The following EXT2 variants were observed in gnomAD, a reference collection of about 807,000 sequenced individuals.
The protein encoded by EXT2 is exostosin-2.
A neutral mutation model predicts 81.6 loss-of-function variants in EXT2; 53 were observed. The ratio of observed to expected loss-of-function variants is 0.65; its 90% CI spans 0.52 to 0.82. The LOEUF (loss-of-function observed/expected upper bound fraction) is 0.82, where lower values mean the gene tolerates loss of function less well. Ranked by LOEUF, EXT2 falls within the 40% of genes least tolerant of loss-of-function variation. The pLI is 0.00. For missense variants in EXT2, 774 were observed against 910.2 expected (o/e 0.85, Z 1.93); for synonymous variants, 320 against 340.0 (o/e 0.94, Z 0.65).
chr11:44,161,944 T>C (rs1296857041), intron 7 of EXT2, among the ~76,000 whole-genome samples: 2 of 152,178 alleles, frequency 1.3e-5, no homozygotes, highest in Non-Finnish European at 2.9e-5. Context: ...ACTATGTCAA[T>C]GTCATGAAAG....
At chr11:44,213,136 A>T (rs1955673103) in intron 10 of EXT2, among the ~76,000 whole-genome samples, 2 of 152,226 alleles carry the variant, frequency 1.3e-5, no homozygotes, top group Non-Finnish European at 2.9e-5. Flanking sequence ...ATATTATAAA[A>T]AGAAGAAAAG....
intron 12 of EXT2, among the ~76,000 whole-genome samples, chr11:44,234,539 G>A (rs549728615): frequency 6.6e-6 from 1 of 151,654 alleles, no homozygotes; most frequent in Admixed American, 6.6e-5. Flanking sequence ...TCTCAAAGCT[G>A]ATATGGGTTC....
intron 13 of EXT2, among the ~76,000 whole-genome samples, chr11:44,237,848 G>A (rs1955984715): frequency 6.9e-6 from 1 of 145,430 alleles, no homozygotes; most frequent in South Asian, 2.2e-4. Flanking sequence ...TGGATCACCT[G>A]AGGTCAGGAG....
intron 5 of EXT2, among the ~76,000 whole-genome samples, chr11:44,125,963 G>T (rs750877494): frequency 5.3e-5 from 8 of 152,180 alleles, no homozygotes; most frequent in African/African-American, 9.7e-5. Flanking sequence ...ATCCCCAGAG[G>T]TGTTTGGAAT....
chr11:44,112,104 C>T (rs1240626875), intron 3 of EXT2, among the ~76,000 whole-genome samples: 1 of 152,118 alleles, frequency 6.6e-6, no homozygotes, highest in Non-Finnish European at 1.5e-5. Context: ...AGGCCTGATT[C>T]CATGCATGGT....
At chr11:44,189,006 TA>T (rs1200978081) in intron 8 of EXT2, among the ~76,000 whole-genome samples, 1 of 152,102 alleles carries the variant, frequency 6.6e-6, no homozygotes, top group Non-Finnish European at 1.5e-5. Context: ...GAGACTGCAG[TA>T]AACCAAAGAA....
At chr11:44,168,145 T>C (rs1411557763) in intron 7 of EXT2, among the ~76,000 whole-genome samples, 1 of 152,108 alleles carries the variant, frequency 6.6e-6, no homozygotes, top group African/African-American at 2.4e-5. Flanking sequence ...GAAATCTACT[T>C]TTGACAAGAT....
intron 1 of EXT2, chr11:44,096,186 G>A: frequency 7.1e-7 from 1 of 1,404,008 alleles, no homozygotes; most frequent in Non-Finnish European, 9.7e-7. Context: ...TCCGCCCTCC[G>A]CCGTGACCCC....
chr11:44,103,605 T>TTCCACAA (rs1954015866), intron 1 of EXT2: 1 of 414,580 alleles, frequency 2.4e-6, no homozygotes, highest in African/African-American at 2.2e-5. Context: ...TTGGAATTAT[T>TTCCACAA]ATTTCTTGAA....
chr11:44,133,145 A>G (rs1464537106), intron 7 of EXT2, among the ~76,000 whole-genome samples: 1 of 152,250 alleles, frequency 6.6e-6, no homozygotes, highest in East Asian at 1.9e-4. Context: ...ACTGTTCTCT[A>G]TAGATAGTTA....
intron 8 of EXT2, among the ~76,000 whole-genome samples, chr11:44,176,659 A>G (rs907125032): frequency 1.3e-5 from 2 of 152,120 alleles, no homozygotes; most frequent in African/African-American, 4.8e-5. Flanking sequence ...TCCCTCAGAA[A>G]TATTTAACCT....
At chr11:44,218,505 T>C (rs1181143899) in intron 10 of EXT2, among the ~76,000 whole-genome samples, 1 of 152,040 alleles carries the variant, frequency 6.6e-6, no homozygotes, top group Non-Finnish European at 1.5e-5. Context: ...GAGAAGTATA[T>C]GGTAAAAGCC....
intron 10 of EXT2, among the ~76,000 whole-genome samples, chr11:44,211,107 T>C (rs1955642564): frequency 6.6e-6 from 1 of 152,232 alleles, no homozygotes; most frequent in Admixed American, 6.5e-5. Context: ...AATTTAGATA[T>C]ATAGGACAAT....
At chr11:44,204,092 T>G (rs1955553341) in intron 9 of EXT2, among the ~76,000 whole-genome samples, 1 of 152,226 alleles carries the variant, frequency 6.6e-6, no homozygotes, top group Admixed American at 6.5e-5. Flanking sequence ...TACCCAAATC[T>G]GAACAGAGTC....
intron 8 of EXT2, among the ~76,000 whole-genome samples, chr11:44,187,208 A>T (rs75943869): frequency 0.018 from 2,673 of 151,850 alleles, 85 homozygotes; most frequent in African/African-American, 0.06. Flanking sequence ...TGCTACTTTT[A>T]AAAAATCTTA....
chr11:44,127,627 T>C (rs1296034953), intron 6 of EXT2, among the ~76,000 whole-genome samples: 1 of 152,200 alleles, frequency 6.6e-6, no homozygotes, highest in African/African-American at 2.4e-5. Context: ...GGACTGTTGC[T>C]TTTCAGAAAA....
chr11:44,224,418 A>G (rs1452140143), intron 10 of EXT2, among the ~76,000 whole-genome samples: 2 of 152,024 alleles, frequency 1.3e-5, no homozygotes, highest in African/African-American at 4.8e-5. Flanking sequence ...TTATATTTAT[A>G]TTGAATAATA....
chr11:44,217,298 T>C (rs950455909), intron 10 of EXT2, among the ~76,000 whole-genome samples: 5 of 152,168 alleles, frequency 3.3e-5, no homozygotes, highest in Admixed American at 6.5e-5. Context: ...CCTGTTTTCT[T>C]CCAGTGTCTG....
At chr11:44,197,613 G>T (rs1210703737) in intron 8 of EXT2, among the ~76,000 whole-genome samples, 5 of 152,126 alleles carry the variant, frequency 3.3e-5, no homozygotes, top group African/African-American at 9.7e-5. Flanking sequence ...TTTCTCAGCT[G>T]CAAAAGTTCT....
Sources: gnomAD v4.1 joint callset for allele counts (sites outside exome capture counted in the v4.1 genomes callset) on GRCh38, gnomAD v4.1.1 for gene constraint, MANE v1.5 for transcripts, NCBI Gene and HGNC (gene_info 2026-07-23, HGNC 2026-07-21) for gene names.